The following LANCL3 variants were observed in gnomAD, a reference collection of about 807,000 sequenced individuals.
LANCL3 encodes lanC-like protein 3.
A neutral mutation model predicts 26.5 loss-of-function variants in LANCL3; 19 were observed. The ratio of observed to expected loss-of-function variants is 0.72; its 90% CI spans 0.50 to 1.05. The LOEUF is 1.05. Among genes scored for constraint, LANCL3 ranks in the 50% least tolerant of loss-of-function variants. The pLI, the probability that LANCL3 is intolerant of heterozygous loss-of-function variation, is 0.00. For synonymous variants in LANCL3, 160 were observed against 166.6 expected (o/e 0.96, Z 0.30); for missense variants, 318 against 362.7 (o/e 0.88, Z 1.00).
Position 37,631,419 on chromosome X carries a change from T to C in LANCL3, c.574-24269T>C, listed in dbSNP as rs185866913. On this transcript the variant is annotated intron_variant, in intron 1 of 4. Coordinates refer to ENST00000378619, the MANE Select transcript of LANCL3 (RefSeq NM_001170331.2). ...AAAAACTAGCTCCTGGATTCATTGA[T>C]TTTTTGAAGGGTTTTTTGTGTCTCT... 8.6e-3 allele frequency among the ~76,000 whole-genome samples: 960 copies of C among 111,823 alleles called. 9 individuals carry two copies. The highest frequency in any genetic ancestry group is 0.029 in the African/African-American group (906 of 30,773).
At chrX:37,621,867 C>T (rs1556422296) in intron 1 of LANCL3, among the ~76,000 whole-genome samples, 1 of 111,414 alleles carries the variant, frequency 9.0e-6, no homozygotes, top group Non-Finnish European at 1.9e-5. Context: ...CCCTTTGGCC[C>T]TGCTTCATGG....
intron 3 of LANCL3, among the ~76,000 whole-genome samples, chrX:37,666,041 T>C (rs1439599543): frequency 8.9e-6 from 1 of 112,375 alleles, no homozygotes; most frequent in Non-Finnish European, 1.9e-5. Context: ...CTGGAAAGCA[T>C]TGACTGAACA....
At chrX:37,633,602 T>C (rs1314596075) in intron 1 of LANCL3, among the ~76,000 whole-genome samples, 1 of 110,844 alleles carries the variant, frequency 9.0e-6, no homozygotes, top group Admixed American at 9.6e-5. Flanking sequence ...TACAGATGGG[T>C]TTTTGGTGTG....
chrX:37,652,554 A>G (rs781891444), intron 1 of LANCL3, among the ~76,000 whole-genome samples: 9 of 112,791 alleles, frequency 8.0e-5, no homozygotes, highest in Non-Finnish European at 1.5e-4. Flanking sequence ...GTAAAAAGAA[A>G]AGAATCTATT....
chrX:37,630,188 A>G lies in LANCL3; in HGVS notation c.574-25500A>G, dbSNP rs1177621783. On this transcript the variant is annotated intron_variant, in intron 1 of 4. Coordinates refer to ENST00000378619, the MANE Select transcript of LANCL3 (RefSeq NM_001170331.2). ...CACATCCCTTGTAAGTTGGATTCCTAGGTATTTTATTCTCTTTGAAGCAAT... is the reference window on the plus strand; with the variant it reads ...CACATCCCTTGTAAGTTGGATTCCTGGGTATTTTATTCTCTTTGAAGCAAT... 8.2e-5 allele frequency among the ~76,000 whole-genome samples: 9 copies of G among 110,223 alleles called. No individual in the cohort carries two copies. The East Asian group carries it at 2.3e-3, about 28-fold the overall frequency.
chrX:37,638,667 T>C (rs944174835), intron 1 of LANCL3, among the ~76,000 whole-genome samples: 1 of 111,871 alleles, frequency 8.9e-6, no homozygotes, highest in African/African-American at 3.3e-5. Context: ...TAGCAAAATG[T>C]ACAAATCTTA....
At position 37,649,225 on chromosome X, in the gene LANCL3, C is replaced by A. The variant is rs1191976215; in HGVS notation, c.574-6463C>A. 3.6e-5 allele frequency among the ~76,000 whole-genome samples: 4 copies of A among 112,032 alleles called. No homozygotes were observed. The East Asian group carries it at 8.3e-4, about 23-fold the overall frequency. ...AACCCAAATGCCCATCAATGATAGA[C>A]TGGATAAAGAAAATGTAGCACATAT... On this transcript the variant is annotated intron_variant, in intron 1 of 4. Coordinates refer to ENST00000378619, the MANE Select transcript of LANCL3 (RefSeq NM_001170331.2).
chrX:37,575,173 C>T (rs1556416280), intron 1 of LANCL3, among the ~76,000 whole-genome samples: 1 of 109,554 alleles, frequency 9.1e-6, no homozygotes, highest in Non-Finnish European at 1.9e-5. Context: ...GTGATCTGCC[C>T]GCCTCAGTCT....
rs782208567 is a variant in LANCL3, at chrX:37,659,468, C to T, written c.704C>T (p.Ala235Val). ...SYYGTEYLGAAHGLSSILQML... is the reference protein window; with the variant it reads ...SYYGTEYLGAVHGLSSILQML... ...GCCTTGTTTGTTAATACAGGGGCAG[C>T]TCACGGCTTGTCGTCTATTCTTCAG... Residue 235 changes from alanine (A) to valine (V), a missense_variant, in exon 3 of 5, where the codon GCT becomes GTT. Coordinates refer to ENST00000378619, the MANE Select transcript of LANCL3 (RefSeq NM_001170331.2). The T allele has an allele frequency of 8.3e-7, 1 of 1,205,606 alleles. No homozygotes were observed. Among genetic ancestry groups the T allele is most frequent in the African/African-American group, 1.8e-5 (1 of 57,046 alleles).
At chrX:37,587,001 T>C (rs1245633749) in intron 1 of LANCL3, among the ~76,000 whole-genome samples, 3 of 112,781 alleles carry the variant, frequency 2.7e-5, no homozygotes, top group Non-Finnish European at 3.8e-5. Context: ...AGTTTGTTAG[T>C]TTTCCTTCTA....
intron 1 of LANCL3, among the ~76,000 whole-genome samples, chrX:37,639,173 A>C (rs1418307420): frequency 9.6e-6 from 1 of 103,658 alleles, no homozygotes; most frequent in Non-Finnish European, 2.0e-5. Context: ...TTATATATAT[A>C]TCCATATATA....
chrX:37,637,961 A>T (rs1243882285), intron 1 of LANCL3, among the ~76,000 whole-genome samples: 2 of 111,021 alleles, frequency 1.8e-5, no homozygotes, highest in East Asian at 5.7e-4. Flanking sequence ...AATGTATCAG[A>T]TTCTCCTAGG....
chrX:37,575,262 C>T (rs1923716826), intron 1 of LANCL3, among the ~76,000 whole-genome samples: 1 of 111,249 alleles, frequency 9.0e-6, no homozygotes, highest in Admixed American at 9.5e-5. Flanking sequence ...GAGGCTTTTC[C>T]TGACTACCCT....
chrX:37,675,923 A>G lies in LANCL3; in HGVS notation c.*110A>G, dbSNP rs1926792743. On this transcript the variant is annotated 3_prime_UTR_variant, in exon 5 of 5. Transcript: ENST00000378619. ...CGCAACCATGAGCCTTAACATTGCC[A>G]TCAGAAGGAAGGAATCAGGCAGGTG... 1 of 579,726 alleles carries G rather than the reference A, an allele frequency of 1.7e-6. No homozygotes were observed. Among genetic ancestry groups the G allele is most frequent in the Non-Finnish European group, 2.4e-6 (1 of 411,415 alleles). 47.8% of individuals were successfully genotyped at this position (579,726 alleles called of 1,213,427 possible).
intron 1 of LANCL3, among the ~76,000 whole-genome samples, chrX:37,618,719 C>T (rs1242268548): frequency 9.0e-6 from 1 of 111,687 alleles, no homozygotes; most frequent in Non-Finnish European, 1.9e-5. Flanking sequence ...GTTCAGATGT[C>T]CCCATTTTAT....
At chrX:37,628,176 A>G (rs1190692862) in intron 1 of LANCL3, among the ~76,000 whole-genome samples, 3 of 111,723 alleles carry the variant, frequency 2.7e-5, no homozygotes, top group Non-Finnish European at 5.6e-5. Flanking sequence ...AGGGGGCACC[A>G]GTATGGGTCA....
intron 1 of LANCL3, among the ~76,000 whole-genome samples, chrX:37,589,460 A>G (rs1924208839): frequency 9.0e-6 from 1 of 111,619 alleles, no homozygotes; most frequent in African/African-American, 3.3e-5. Context: ...GCTCCCAGGC[A>G]TAGACTACGA....
intron 1 of LANCL3, among the ~76,000 whole-genome samples, chrX:37,642,822 A>G: frequency 8.9e-6 from 1 of 112,257 alleles, no homozygotes; most frequent in Non-Finnish European, 1.9e-5. Flanking sequence ...CAAGAAATAA[A>G]GAGAAAAGAG....
chrX:37,580,277 G>C (rs782279344), intron 1 of LANCL3, among the ~76,000 whole-genome samples: 4 of 111,840 alleles, frequency 3.6e-5, no homozygotes, highest in Non-Finnish European at 5.6e-5. Context: ...CCAGAACCCA[G>C]TGAATGATAA....
Sources: allele counts gnomAD v4.1 joint callset (sites outside exome capture counted in the v4.1 genomes callset), GRCh38; gene constraint gnomAD v4.1.1; transcripts MANE v1.5; gene names NCBI Gene and HGNC (gene_info 2026-07-23, HGNC 2026-07-21).